MAD1L1: variants seen among roughly 807,000 people sequenced by gnomAD.
The protein encoded by MAD1L1 is mitotic spindle assembly checkpoint protein MAD1.
MAD1L1 carries 95 observed loss-of-function variants against 96.9 expected under a neutral mutation model. The ratio of observed to expected loss-of-function variants is 0.98; its 90% confidence interval spans 0.83 to 1.16. The LOEUF is 1.16. Ranked by LOEUF, MAD1L1 falls within the 50% of genes most tolerant of loss-of-function variation. The pLI is 0.00. For synonymous variants in MAD1L1, 473 were observed against 396.6 expected, an observed-to-expected ratio of 1.19 and a Z score of -2.29; for missense variants, 1,007 against 954.4, an observed-to-expected ratio of 1.06 and a Z score of -0.73.
At chr7:2,066,710 A>G (rs1486420294) in intron 12 of MAD1L1, among the ~76,000 whole-genome samples, 1 of 152,190 alleles carries the variant, frequency 6.6e-6, no homozygotes, top group Non-Finnish European at 1.5e-5. Flanking sequence ...ACCATGAGGG[A>G]GCCCCACAGG....
At chr7:1,845,735 G>A (rs753673109) in intron 18 of MAD1L1, 2 of 152,356 alleles carry the variant, frequency 1.3e-5, no homozygotes, top group Non-Finnish European at 2.9e-5. Flanking sequence ...ACGCAGACAC[G>A]CGTCGGGTTC....
At chr7:1,857,909 G>C (rs560038105) in intron 18 of MAD1L1, among the ~76,000 whole-genome samples, 21 of 152,286 alleles carry the variant, frequency 1.4e-4, no homozygotes, top group African/African-American at 5.1e-4. Flanking sequence ...GTCCACCCCG[G>C]CCCTGCAGAA....
chr7:1,828,360 G>A (rs1283415086), intron 18 of MAD1L1, among the ~76,000 whole-genome samples: 25 of 152,170 alleles, frequency 1.6e-4, no homozygotes, highest in Admixed American at 3.3e-4. Flanking sequence ...CCAGGGCGCC[G>A]AAAAGAGTGC....
chr7:2,062,313 G>A (rs1201519547), intron 12 of MAD1L1, among the ~76,000 whole-genome samples: 1 of 150,554 alleles, frequency 6.6e-6, no homozygotes, highest in Non-Finnish European at 1.5e-5. Flanking sequence ...GCTCACGCCT[G>A]TAATCCCAGC....
Position 2,069,277 on chromosome 7 carries a change from G to A in MAD1L1, c.1135C>T (p.Gln379Ter). 6.2e-7 allele frequency: 1 copy of A among 1,611,190 alleles called. No individual in the cohort carries two copies. The highest frequency in any genetic ancestry group is 8.5e-7 in the Non-Finnish European group (1 of 1,179,508). ...CGCTTCTTCCTCTCCTCCAACAGCT[G>A]GCCGCTGACCTGCCGGAGCTCCTCC... ...LQEELRQVSG[Q>*]LLEERKKRET... The change falls in exon 12 of 19, where the codon CAG becomes TAG. Residue 379 changes from glutamine (Q) to a stop codon, truncating the protein, a stop_gained. Transcript: ENST00000265854. LOFTEE classifies it high-confidence loss of function.
chr7:1,898,731 CTGCCAGGAAGCCACAG>C (rs1787054029), intron 17 of MAD1L1, among the ~76,000 whole-genome samples: 2 of 152,334 alleles, frequency 1.3e-5, no homozygotes, highest in South Asian at 2.1e-4. Context: ...AGCACAGTCA[CTGCCAGGAAGCCACAG>C]GGTCAGGAAG....
At chr7:2,002,802 G>C (rs1009600396) in intron 13 of MAD1L1, among the ~76,000 whole-genome samples, 2 of 152,218 alleles carry the variant, frequency 1.3e-5, no homozygotes, top group African/African-American at 2.4e-5. Flanking sequence ...CTCCCTGCTG[G>C]GGACAGTGAC....
chr7:2,204,675 G>A (rs935904538), intron 10 of MAD1L1, among the ~76,000 whole-genome samples: 26 of 152,362 alleles, frequency 1.7e-4, no homozygotes, highest in African/African-American at 5.3e-4. Flanking sequence ...CACGGTCCAC[G>A]TATCCCTTCA....
rs375744829 is a variant in MAD1L1, at chr7:1,841,117, T to C, written c.1999-24889A>G. ...GGCAGGTGCGGCTCTGGGGGTCCTG[T>C]TGGGCCTGAGCACGTCCCGATAACC... On this transcript the variant is annotated intron_variant, in intron 18 of 18. Coordinates refer to ENST00000265854, the MANE Select transcript of MAD1L1 (RefSeq NM_001013836.2). 3.1e-4 allele frequency among the ~76,000 whole-genome samples: 47 copies of C among 152,306 alleles called. 1 individual carries two copies. In the South Asian group the frequency reaches 9.5e-3, roughly 31 times the overall value.
intron 10 of MAD1L1, among the ~76,000 whole-genome samples, chr7:2,152,441 G>C (rs544822481): frequency 1.3e-4 from 20 of 152,310 alleles, no homozygotes; most frequent in African/African-American, 4.6e-4. Flanking sequence ...TCACCACTTT[G>C]GCTAAACCAA....
chr7:2,031,651 A>C (rs1391470360), intron 12 of MAD1L1, among the ~76,000 whole-genome samples: 1 of 152,252 alleles, frequency 6.6e-6, no homozygotes, highest in Non-Finnish European at 1.5e-5. Context: ...CACTGGGACC[A>C]TCCTGACAGG....
rs550974783 is a variant in MAD1L1 at position 2,153,729 on chromosome 7, A to G, written c.987-4491T>C. 3.6e-4 allele frequency among the ~76,000 whole-genome samples: 55 copies of G among 152,384 alleles called. 1 individual carries two copies. In the South Asian group the frequency reaches 0.011, roughly 32 times the overall value. The stretch of plus-strand genomic sequence containing the variant: ...TTACTCAAAGGAAATCACTGTATCA[A>G]AAAGATACCTGCATTCCCATGTTTA... On this transcript the variant is annotated intron_variant, in intron 10 of 18. Transcript: ENST00000265854.
chr7:1,826,651 G>A lies in MAD1L1; in HGVS notation c.1999-10423C>T, dbSNP rs116940055. Reference sequence around the variant, plus strand: ...AGAGGCCTCGCAGATGCTGCCGCGTGAGCACCGCGCTGAGGGCCTGGCGGC... The same window carrying A: ...AGAGGCCTCGCAGATGCTGCCGCGTAAGCACCGCGCTGAGGGCCTGGCGGC... On this transcript the variant is annotated intron_variant, in intron 18 of 18. Transcript: ENST00000265854. 2.7e-3 allele frequency among the ~76,000 whole-genome samples: 409 copies of A among 152,376 alleles called. 9 individuals carry two copies. The East Asian group carries it at 0.036, about 13-fold the overall frequency.
At chr7:1,838,592 C>A (rs112764806) in intron 18 of MAD1L1, 2 of 368,534 alleles carry the variant, frequency 5.4e-6, no homozygotes, top group African/African-American at 4.3e-5. Context: ...GACCACTCGC[C>A]GCTGAGCCCA....
At chr7:1,819,788 A>G (rs771163405) in intron 18 of MAD1L1, among the ~76,000 whole-genome samples, 8 of 152,040 alleles carry the variant, frequency 5.3e-5, no homozygotes, top group Non-Finnish European at 1.0e-4. Flanking sequence ...CACTTTCTCC[A>G]CACACCACCA....
chr7:2,230,015 G>C lies in MAD1L1; in HGVS notation c.119C>G (p.Ser40Cys). The C allele has an allele frequency of 6.2e-7, 1 of 1,613,504 alleles. No individual in the cohort carries two copies. Among genetic ancestry groups the C allele is most frequent in the Non-Finnish European group, 8.5e-7 (1 of 1,180,014 alleles). ...GCTCTGCTGGTACTGCATCTGCAGA[G>C]AACCTGGGGCCGAGGTAGAAATATC... ...GLDISTSAPGSLQMQYQQSMQ... is the reference protein window; with the variant it reads ...GLDISTSAPGCLQMQYQQSMQ... Residue 40 changes from serine to cysteine, a missense_variant, in exon 3 of 19, where the codon TCT becomes TGT. Coordinates refer to ENST00000265854, the MANE Select transcript of MAD1L1 (RefSeq NM_001013836.2).
intron 7 of MAD1L1, among the ~76,000 whole-genome samples, chr7:2,217,324 C>T (rs1273830746): frequency 3.3e-5 from 5 of 152,236 alleles, no homozygotes; most frequent in Admixed American, 3.3e-4. Context: ...CCCTGCCAGC[C>T]AGAAAATCCT....
At chr7:2,154,993 G>T (rs1789754644) in intron 10 of MAD1L1, among the ~76,000 whole-genome samples, 1 of 152,204 alleles carries the variant, frequency 6.6e-6, no homozygotes, top group African/African-American at 2.4e-5. Flanking sequence ...AGCCCAGGAG[G>T]CTCTGGGCAC....
At chr7:2,115,838 G>C (rs1350879717) in intron 11 of MAD1L1, among the ~76,000 whole-genome samples, 1 of 152,252 alleles carries the variant, frequency 6.6e-6, no homozygotes, top group Non-Finnish European at 1.5e-5. Context: ...GGAGGGGAAC[G>C]GTGGCGGGCC....
Sources: allele counts gnomAD v4.1 joint callset (sites outside exome capture counted in the v4.1 genomes callset), GRCh38; gene constraint gnomAD v4.1.1; transcripts MANE v1.5; gene names NCBI Gene and HGNC (gene_info 2026-07-23, HGNC 2026-07-21).